HIPK2: variants seen among roughly 807,000 people sequenced by gnomAD.
The protein encoded by HIPK2 is homeodomain-interacting protein kinase 2.
In HIPK2, 27 loss-of-function variants were observed where a neutral mutation model predicts 113.7. The observed-to-expected ratio is 0.24, with a 90% CI of 0.17 to 0.33. HIPK2 has a LOEUF of 0.33. Among genes scored for constraint, HIPK2 ranks in the 10% least tolerant of loss-of-function variants. HIPK2 has a pLI of 1.00. For synonymous variants in HIPK2, 631 were observed against 642.2 expected (o/e 0.98, Z 0.26); for missense variants, 1,257 against 1,588.0 (o/e 0.79, Z 3.54).
intron 12 of HIPK2, among the ~76,000 whole-genome samples, chr7:139,586,109 A>G (rs556364772): frequency 6.6e-6 from 1 of 152,348 alleles, no homozygotes; most frequent in East Asian, 1.9e-4. Flanking sequence ...CGTACAGATG[A>G]TAATTGTTAA....
At chr7:139,604,331 G>A in intron 9 of HIPK2, 108 bp from the exon 10 acceptor site, 1 of 1,455,576 alleles carries the variant, frequency 6.9e-7, no homozygotes, top group Non-Finnish European at 9.2e-7. Context: ...ATTCTCATGG[G>A]TGTGAGAGTG....
intron 1 of HIPK2, among the ~76,000 whole-genome samples, chr7:139,756,426 T>C (rs1796364024): frequency 6.6e-6 from 1 of 152,244 alleles, no homozygotes; most frequent in African/African-American, 2.4e-5. Context: ...TTTGTTTGTT[T>C]GTTTGTTTGT....
chr7:139,626,134 G>A lies in HIPK2; in HGVS notation c.1619+467C>T, dbSNP rs187828315. 4.7e-3 allele frequency among the ~76,000 whole-genome samples: 680 copies of A among 145,972 alleles called. 5 individuals carry two copies. Among genetic ancestry groups the A allele is most frequent in the African/African-American group, 0.017 (656 of 39,002 alleles). ...TTTTTTTTTTTTGAGATGGAGTCTC[G>A]CTCTGTCGCCCAGGCTGGAGTGCAA... On this transcript the variant is annotated intron_variant, in intron 6 of 14. Transcript: ENST00000406875.
chr7:139,603,199 G>A (rs1273617947), intron 10 of HIPK2, among the ~76,000 whole-genome samples: 3 of 152,278 alleles, frequency 2.0e-5, no homozygotes, highest in African/African-American at 7.2e-5. Flanking sequence ...ACTGTGGGAG[G>A]TTCCCTGTGT....
chr7:139,626,104 TTCC>T (rs1800417981), intron 6 of HIPK2, among the ~76,000 whole-genome samples: 1 of 143,460 alleles, frequency 7.0e-6, no homozygotes, highest in African/African-American at 3.0e-5. Flanking sequence ...CTTTTTTTCT[TTCC>T]TTTTTTTTTT....
At chr7:139,764,320 A>G (rs886154830) in intron 1 of HIPK2, among the ~76,000 whole-genome samples, 3 of 152,236 alleles carry the variant, frequency 2.0e-5, no homozygotes, top group Non-Finnish European at 2.9e-5. Flanking sequence ...CCTTAGGAGT[A>G]ATGATTCAGT....
chr7:139,755,050 G>C (rs951220074), intron 1 of HIPK2, among the ~76,000 whole-genome samples: 10 of 152,156 alleles, frequency 6.6e-5, no homozygotes, highest in African/African-American at 2.2e-4. Context: ...TTCCAGCATG[G>C]GGGGGATGCA....
chr7:139,588,248 G>A (rs1252308219), intron 12 of HIPK2, among the ~76,000 whole-genome samples: 3 of 152,052 alleles, frequency 2.0e-5, no homozygotes, highest in Admixed American at 1.3e-4. Flanking sequence ...AACCCGGGAG[G>A]TGGAGGTTAC....
intron 11 of HIPK2, among the ~76,000 whole-genome samples, chr7:139,597,592 A>G (rs551019058): frequency 1.3e-3 from 199 of 152,342 alleles, no homozygotes; most frequent in Admixed American, 3.5e-3. Context: ...ATGACCATCA[A>G]AGTATTTGTG....
chr7:139,685,720 A>G (rs1794196531), intron 2 of HIPK2, among the ~76,000 whole-genome samples: 1 of 152,234 alleles, frequency 6.6e-6, no homozygotes, highest in Admixed American at 6.5e-5. Flanking sequence ...CAAAGCCTAG[A>G]TGACAGGACA....
intron 2 of HIPK2, among the ~76,000 whole-genome samples, chr7:139,662,948 C>A (rs1801918041): frequency 6.6e-6 from 1 of 152,150 alleles, no homozygotes; most frequent in Non-Finnish European, 1.5e-5. Context: ...TGTTGCCCTG[C>A]TGTTCAGACA....
chr7:139,614,664 T>C lies in HIPK2; in HGVS notation c.1783-171A>G, dbSNP rs1442263321. 2.0e-5 allele frequency among the ~76,000 whole-genome samples: 3 copies of C among 152,126 alleles called. No homozygotes were observed. The East Asian group carries it at 5.8e-4, about 29-fold the overall frequency. On this transcript the variant is annotated intron_variant, in intron 7 of 14. Transcript: ENST00000406875. ...AGAGGAGTGGAAACACGATTGAAAG[T>C]CGCAGGGAAAAGCAGGTCCCTGAAA...
chr7:139,769,777 C>T (rs1335038851), intron 1 of HIPK2, among the ~76,000 whole-genome samples: 1 of 152,188 alleles, frequency 6.6e-6, no homozygotes, highest in East Asian at 1.9e-4. Context: ...CTTTGGAGTA[C>T]ATCACTGTAA....
intron 2 of HIPK2, among the ~76,000 whole-genome samples, chr7:139,648,870 G>A (rs1179183968): frequency 6.6e-6 from 1 of 151,960 alleles, no homozygotes; most frequent in Non-Finnish European, 1.5e-5. Flanking sequence ...TTAATACTAG[G>A]ATAAAGTCAT....
At chr7:139,739,555 C>A (rs2117069775) in intron 1 of HIPK2, among the ~76,000 whole-genome samples, 1 of 151,468 alleles carries the variant, frequency 6.6e-6, no homozygotes, top group African/African-American at 2.4e-5. Flanking sequence ...CTGCTGCACT[C>A]CAGCCTGGGT....
intron 2 of HIPK2, among the ~76,000 whole-genome samples, chr7:139,665,528 G>A (rs1802018104): frequency 6.6e-6 from 1 of 151,948 alleles, no homozygotes; most frequent in South Asian, 2.1e-4. Context: ...TGGCTCTCCT[G>A]GATAGAGCAC....
intron 2 of HIPK2, among the ~76,000 whole-genome samples, chr7:139,701,172 G>T (rs1473263079): frequency 6.6e-6 from 1 of 152,194 alleles, no homozygotes; most frequent in African/African-American, 2.4e-5. Flanking sequence ...CCAGAGGCTG[G>T]AATTTCTCCT....
intron 2 of HIPK2, among the ~76,000 whole-genome samples, chr7:139,696,875 T>C (rs1278146558): frequency 1.3e-5 from 2 of 152,138 alleles, no homozygotes; most frequent in Non-Finnish European, 2.9e-5. Context: ...AGGCACTGCA[T>C]GTGTGGATTT....
intron 1 of HIPK2, among the ~76,000 whole-genome samples, chr7:139,774,706 T>C (rs1320710079): frequency 3.9e-5 from 6 of 152,216 alleles, no homozygotes; most frequent in African/African-American, 1.4e-4. Context: ...ACTTGGAATT[T>C]AGGCTCCTCT....
Sources: gnomAD v4.1 joint callset for allele counts (sites outside exome capture counted in the v4.1 genomes callset) on GRCh38, gnomAD v4.1.1 for gene constraint, MANE v1.5 for transcripts, NCBI Gene and HGNC (gene_info 2026-07-23, HGNC 2026-07-21) for gene names.